ANGPTL6: variants seen among roughly 807,000 people sequenced by gnomAD.
ANGPTL6 encodes angiopoietin like 6.
Under a neutral mutation model 47.4 loss-of-function variants are expected in ANGPTL6, and 45 were observed. That is an observed-to-expected ratio of 0.95 (90% confidence interval 0.75 to 1.22). The LOEUF is 1.22. Ranked by LOEUF, ANGPTL6 falls within the 50% of genes most tolerant of loss-of-function variation. The probability of loss-of-function intolerance (pLI) is 0.00; values close to 1 mark genes in which losing one functional copy is unlikely to be tolerated. For missense variants in ANGPTL6, 698 were observed against 669.4 expected (o/e 1.04, Z -0.47); for synonymous variants, 290 against 295.9 (o/e 0.98, Z 0.20).
In ANGPTL6 at chr19:10,102,563, C is replaced by T; in HGVS notation, c.-11+5G>A. 6 of 984,468 alleles carry T rather than the reference C, an allele frequency of 6.1e-6. No individual in the cohort carries two copies. Among genetic ancestry groups the T allele is most frequent in the Non-Finnish European group, 7.2e-6 (6 of 829,188 alleles). The allele number at this position is 984,468 out of a possible 1,614,324, so 61.0% of individuals were successfully genotyped here. ...CAACCTCCACCTACCTTCCCACCCT[C>T]TCACCTCTGATGCCCAAGACCCTGA... On this transcript the variant is annotated splice_donor_5th_base_variant and intron_variant, in intron 1 of 5. Coordinates refer to ENST00000253109, the MANE Select transcript of ANGPTL6 (RefSeq NM_031917.3).
chr19:10,105,511 G>A (rs3760755), upstream of ANGPTL6, among the ~76,000 whole-genome samples: 25,043 of 151,762 alleles, frequency 0.17, 2,389 homozygotes, highest in East Asian at 0.36. Context: ...CAGACACAGA[G>A]AAAGGAAACT....
Position 10,094,822 on chromosome 19 carries a change from T to C in ANGPTL6, c.699A>G (p.Arg233=). 6.2e-7 allele frequency: 1 copy of C among 1,614,186 alleles called. No homozygotes were observed. The highest frequency in any genetic ancestry group is 1.1e-5 in the South Asian group (1 of 91,082). The stretch of plus-strand genomic sequence containing the variant: ...TGGGAGAAGCCATGGGCTCCTGCTG[T>C]CTCTGGGTCTGGTCTCTCTGGGGCT... ...APEPQRDQTQ[R]QQEPMASPMP... Residue 233 remains arginine (R), a synonymous_variant, in exon 3 of 6, where the codon AGA becomes AGG. Transcript: ENST00000253109.
At chr19:10,104,509 T>C (rs1043984899), upstream of ANGPTL6, among the ~76,000 whole-genome samples, 1 of 152,146 alleles carries the variant, frequency 6.6e-6, no homozygotes, top group African/African-American at 2.4e-5. Context: ...GAGAATATAT[T>C]AAGTGAGAAA....
upstream of ANGPTL6, chr19:10,102,679 G>GGGA (rs1599295674): frequency 1.4e-5 from 14 of 984,752 alleles, no homozygotes; most frequent in Non-Finnish European, 1.7e-5. Context: ...AGAGGGCAGT[G>GGGA]GGACAGAAGG....
chr19:10,101,201 T>A (rs1244964608), intron 1 of ANGPTL6, among the ~76,000 whole-genome samples: 2 of 149,498 alleles, frequency 1.3e-5, no homozygotes, highest in Non-Finnish European at 3.0e-5. Flanking sequence ...AGAGCGAGAC[T>A]CTGTCTCAAA....
chr19:10,105,001 G>T (rs2088782031), upstream of ANGPTL6, among the ~76,000 whole-genome samples: 2 of 152,174 alleles, frequency 1.3e-5, no homozygotes, highest in African/African-American at 4.8e-5. Context: ...TTTCCCAGGG[G>T]TACAAAGAAA....
chr19:10,096,038 T>C lies in ANGPTL6; in HGVS notation c.526A>G (p.Ser176Gly). Residue 176 changes from serine to glycine, a missense_variant, in exon 2 of 6, where the codon AGT (serine) becomes GGT (glycine). By Grantham distance (56) the Ser-to-Gly change is moderately conservative. Coordinates refer to ENST00000253109, the MANE Select transcript of ANGPTL6 (RefSeq NM_031917.3). ...ELAQLVTQQSSLIARLERLCP... is the reference protein window; with the variant it reads ...ELAQLVTQQSGLIARLERLCP... Reference sequence around the variant, plus strand: ...AGGCGCTCCAGGCGGGCGATGAGACTGCTCTGCTGGGTGACGAGCTGCGCC... The same window carrying C: ...AGGCGCTCCAGGCGGGCGATGAGACCGCTCTGCTGGGTGACGAGCTGCGCC... 1.4e-6 allele frequency: 2 copies of C among 1,417,426 alleles called. No homozygotes were observed. Among genetic ancestry groups the C allele is most frequent in the Non-Finnish European group, 9.2e-7 (1 of 1,083,484 alleles). The allele number at this position is 1,417,426 out of a possible 1,614,324, so 87.8% of individuals were successfully genotyped here. A position where few individuals can be genotyped will look rare whatever the true frequency, so the allele number is the denominator to read the frequency against.
At chr19:10,093,183 C>T in intron 5 of ANGPTL6, 166 bp downstream of exon 5, 1 of 935,066 alleles carries the variant, frequency 1.1e-6, no homozygotes. Context: ...CCCCATCCCC[C>T]CACCAGGATA....
chr19:10,103,402 C>T (rs777599689), upstream of ANGPTL6, among the ~76,000 whole-genome samples: 7 of 151,392 alleles, frequency 4.6e-5, 1 homozygote, highest in Non-Finnish European at 1.0e-4. Context: ...CCATCCTTGC[C>T]AACATGCTAA....
intron 5 of ANGPTL6, 119 bp downstream of exon 5, chr19:10,093,230 C>T: frequency 1.5e-6 from 2 of 1,329,234 alleles, no homozygotes; most frequent in East Asian, 2.3e-5. Flanking sequence ...GGAATAAAAG[C>T]TTGCTTATCC....
At chr19:10,094,247 C>G (rs753657627) in intron 3 of ANGPTL6, among the ~76,000 whole-genome samples, 1 of 151,956 alleles carries the variant, frequency 6.6e-6, no homozygotes, top group Admixed American at 6.6e-5. Context: ...CCCAGGTTCA[C>G]GCCTTTCTCC....
intron 2 of ANGPTL6, among the ~76,000 whole-genome samples, 162 bp from the exon 3 acceptor site, chr19:10,095,100 A>C (rs1329001311): frequency 6.6e-6 from 1 of 152,186 alleles, no homozygotes; most frequent in Admixed American, 6.5e-5. Flanking sequence ...CCAAAAGCTA[A>C]ACAACTTGGC....
chr19:10,103,819 G>C (rs368919328), upstream of ANGPTL6, among the ~76,000 whole-genome samples: 6 of 151,090 alleles, frequency 4.0e-5, no homozygotes, highest in East Asian at 3.9e-4. Context: ...GTAAGGCTGG[G>C]CGCGGTGGCT....
intron 1 of ANGPTL6, among the ~76,000 whole-genome samples, chr19:10,100,312 T>C (rs916358900): frequency 6.6e-6 from 1 of 151,880 alleles, no homozygotes; most frequent in Admixed American, 6.6e-5. Context: ...GGAGCAATCA[T>C]AGCTCACTGT....
Position 10,093,571 on chromosome 19 carries a change from C to G in ANGPTL6, c.1000G>C (p.Val334Leu), listed in dbSNP as rs144906507. Residue 334 changes from valine (V) to leucine (L), a missense_variant, in exon 5 of 6, where the codon GTG (valine) becomes CTG (leucine). Transcript: ENST00000253109. ...DGEYWLGLEP[V>L]YQLTSRGDHE... ...TCCCCACGGCTGGTCAGCTGATACACGGGTTCAAGGCCCAGCCAGTATTCT... is the reference window on the plus strand; with the variant it reads ...TCCCCACGGCTGGTCAGCTGATACAGGGGTTCAAGGCCCAGCCAGTATTCT... 2.7e-5 allele frequency: 43 copies of G among 1,613,552 alleles called. No individual in the cohort carries two copies. Among genetic ancestry groups the G allele is most frequent in the Non-Finnish European group, 3.4e-5 (40 of 1,179,870 alleles).
upstream of ANGPTL6, among the ~76,000 whole-genome samples, chr19:10,103,832 C>T (rs559333854): frequency 9.5e-4 from 144 of 151,052 alleles, 3 homozygotes; most frequent in Admixed American, 3.6e-3. Flanking sequence ...CGGTGGCTCA[C>T]GCCTGTAATC....
rs926574412 is a variant in ANGPTL6 at position 10,096,286 on chromosome 19, A to G, written c.278T>C (p.Val93Ala). 1 of 1,218,438 alleles carries G rather than the reference A, an allele frequency of 8.2e-7. No homozygotes were observed. The highest frequency in any genetic ancestry group is 3.2e-4 in the Middle Eastern group (1 of 3,090). 75.5% of individuals were successfully genotyped at this position (1,218,438 alleles called of 1,614,324 possible). ...AAADGAVAGE[V>A]RALRKESRGL... ...GCGGCTCTCCTTGCGCAGCGCGCGC[A>G]CCTCGCCGGCCACGGCGCCGTCGGC... The change falls in exon 2 of 6, where the codon GTG becomes GCG. Residue 93 changes from valine to alanine, a missense_variant. Val to Ala is a moderately conservative substitution (Grantham distance 64). Transcript: ENST00000253109.
At chr19:10,097,713 C>T (rs1055010510) in intron 1 of ANGPTL6, among the ~76,000 whole-genome samples, 15 of 151,886 alleles carry the variant, frequency 9.9e-5, no homozygotes, top group Non-Finnish European at 2.1e-4. Flanking sequence ...GTTAGCTGGG[C>T]GTGGTGGCGG....
chr19:10,103,823 G>A (rs10406526), upstream of ANGPTL6, among the ~76,000 whole-genome samples: 15,877 of 150,840 alleles, frequency 0.11, 1,778 homozygotes, highest in African/African-American at 0.27. Context: ...GGCTGGGCGC[G>A]GTGGCTCACG....
Sources: allele counts gnomAD v4.1 joint callset (sites outside exome capture counted in the v4.1 genomes callset), GRCh38; gene constraint gnomAD v4.1.1; transcripts MANE v1.5; gene names NCBI Gene and HGNC (gene_info 2026-07-23, HGNC 2026-07-21).